Variants in XKR9 observed in about 807,000 individuals in gnomAD.
XKR9 encodes the protein XK related 9, also known as XK-related protein 9.
In XKR9, 32 loss-of-function variants were observed where a neutral mutation model predicts 32.0. The observed-to-expected ratio is 1.00, with a 90% CI of 0.76 to 1.34. The LOEUF is 1.34. XKR9 is among the 40% of genes most tolerant of loss of function. The pLI is 0.00. For missense variants in XKR9, 546 were observed against 429.7 expected (o/e 1.27, Z -2.39); for synonymous variants, 168 against 143.4 (o/e 1.17, Z -1.22).
the XKR9 span, among the ~76,000 whole-genome samples, chr8:70,986,976 C>T: frequency 2.6e-5 from 4 of 152,258 alleles, no homozygotes; most frequent in Admixed American, 1.3e-4. Flanking sequence ...GGGAGAATGA[C>T]GAAGATGCAA....
chr8:70,717,261 T>A (rs1806124006), intron 4 of XKR9, among the ~76,000 whole-genome samples: 1 of 152,208 alleles, frequency 6.6e-6, no homozygotes, highest in South Asian at 2.1e-4. Context: ...ACAGCTCCAC[T>A]AGGCAGTGCC....
chr8:70,777,776 A>G (rs1807552967), intron 2 of XKR9, among the ~76,000 whole-genome samples: 1 of 152,044 alleles, frequency 6.6e-6, no homozygotes, highest in Non-Finnish European at 1.5e-5. Context: ...GTGTCTGTTC[A>G]TATCCTTTGC....
chr8:70,684,872 T>C (rs1023682840), intron 3 of XKR9, among the ~76,000 whole-genome samples: 2 of 147,546 alleles, frequency 1.4e-5, no homozygotes, highest in Non-Finnish European at 3.0e-5. Flanking sequence ...TGTGGAGAAA[T>C]AGGAACACTT....
the XKR9 span, among the ~76,000 whole-genome samples, chr8:70,920,903 G>A: frequency 7.2e-5 from 11 of 152,000 alleles, no homozygotes; most frequent in African/African-American, 2.2e-4. Flanking sequence ...CAGTAACACC[G>A]ATGAATAGAC....
At chr8:71,048,740 TTATTTA>T in the XKR9 span, among the ~76,000 whole-genome samples, 2 of 152,198 alleles carry the variant, frequency 1.3e-5, no homozygotes, top group African/African-American at 4.8e-5. Flanking sequence ...AGATTTCTCT[TTATTTA>T]TAATAAGTGA....
chr8:71,030,391 C>T, the XKR9 span, among the ~76,000 whole-genome samples: 1 of 152,056 alleles, frequency 6.6e-6, no homozygotes, highest in Non-Finnish European at 1.5e-5. Flanking sequence ...CAAGTAACAC[C>T]TTTAAGTTAT....
At chr8:70,971,338 G>C in the XKR9 span, among the ~76,000 whole-genome samples, 1 of 151,678 alleles carries the variant, frequency 6.6e-6, no homozygotes, top group Non-Finnish European at 1.5e-5. Flanking sequence ...GTTTTTTTGA[G>C]TTCTTTGTAG....
chr8:70,959,514 C>T, the XKR9 span, among the ~76,000 whole-genome samples: 4 of 152,150 alleles, frequency 2.6e-5, no homozygotes, highest in African/African-American at 9.7e-5. Flanking sequence ...TTTAATTATG[C>T]TTCAGCGAAT....
chr8:70,796,048 G>A, the XKR9 span, among the ~76,000 whole-genome samples: 2 of 150,828 alleles, frequency 1.3e-5, no homozygotes, highest in South Asian at 4.2e-4. Flanking sequence ...GGTCTATTGA[G>A]ATTTTGATTT....
chr8:70,964,092 T>G, the XKR9 span, among the ~76,000 whole-genome samples: 3 of 152,226 alleles, frequency 2.0e-5, no homozygotes, highest in African/African-American at 7.2e-5. Context: ...GTTTTTACAG[T>G]CTTGGGTTTT....
chr8:71,046,987 C>A, the XKR9 span, among the ~76,000 whole-genome samples: 1 of 152,172 alleles, frequency 6.6e-6, no homozygotes, highest in African/African-American at 2.4e-5. Flanking sequence ...TGTTATGAAG[C>A]AAGACTGCAT....
At chr8:70,805,494 C>CGTTA in the XKR9 span, among the ~76,000 whole-genome samples, 2 of 152,200 alleles carry the variant, frequency 1.3e-5, no homozygotes, top group Non-Finnish European at 2.9e-5. Flanking sequence ...TCACAACTGC[C>CGTTA]TAACACGCTA....
At chr8:70,887,969 G>T in the XKR9 span, among the ~76,000 whole-genome samples, 1 of 152,034 alleles carries the variant, frequency 6.6e-6, no homozygotes, top group East Asian at 1.9e-4. Flanking sequence ...TGTTGAATAG[G>T]AGTGGTAAGA....
At chr8:70,703,491 G>A (rs1447783408) in intron 3 of XKR9, among the ~76,000 whole-genome samples, 1 of 152,126 alleles carries the variant, frequency 6.6e-6, no homozygotes, top group African/African-American at 2.4e-5. Context: ...GGATGGGCAA[G>A]GCAGCTCTCT....
chr8:70,720,458 T>G (rs1328508566), intron 4 of XKR9, among the ~76,000 whole-genome samples: 1 of 152,170 alleles, frequency 6.6e-6, no homozygotes, highest in African/African-American at 2.4e-5. Flanking sequence ...CTCTTATTAT[T>G]TTGAGATATG....
chr8:71,021,119 G>C, the XKR9 span, among the ~76,000 whole-genome samples: 2 of 152,090 alleles, frequency 1.3e-5, no homozygotes, highest in Non-Finnish European at 2.9e-5. Flanking sequence ...GGCAGTGACA[G>C]GTTCTTTTTA....
chr8:70,773,942 C>G (rs1022139833), intron 2 of XKR9, among the ~76,000 whole-genome samples: 1 of 152,158 alleles, frequency 6.6e-6, no homozygotes, highest in Non-Finnish European at 1.5e-5. Flanking sequence ...GAGCAATGTT[C>G]ACTGGAAACA....
chr8:70,677,909 C>G (rs1369457468), intron 2 of XKR9: 2 of 152,110 alleles, frequency 1.3e-5, no homozygotes, highest in Admixed American at 1.3e-4. Flanking sequence ...CTTAGTAAAG[C>G]TTAAGAAATT....
At position 70,733,952 on chromosome 8, in the gene XKR9, T is replaced by A; in HGVS notation, c.650T>A (p.Met217Lys). 6.2e-7 allele frequency: 1 copy of A among 1,612,890 alleles called. No homozygotes were observed. The highest frequency in any genetic ancestry group is 8.5e-7 in the Non-Finnish European group (1 of 1,179,656). ...AAGTTGTTTACATTATTATCGTGGA[T>A]GCTGAGTGTTGTACTTCTACTATTC... ...FYKLFTLLSW[M>K]LSVVLLLFLN... is the part of the protein sequence containing the mutation. Residue 217 changes from methionine to lysine, a missense_variant, in exon 5 of 5, where the codon ATG (methionine) becomes AAG (lysine). By Grantham distance (95) the Met-to-Lys change is moderately conservative. Transcript: ENST00000408926.
Sources: gnomAD v4.1 joint callset for allele counts (sites outside exome capture counted in the v4.1 genomes callset) on GRCh38, gnomAD v4.1.1 for gene constraint, MANE v1.5 for transcripts, NCBI Gene and HGNC (gene_info 2026-07-23, HGNC 2026-07-21) for gene names.